Variants in SMOC1 observed in about 807,000 individuals in gnomAD.
SMOC1 encodes SPARC-related modular calcium-binding protein 1.
Under a neutral mutation model 56.3 loss-of-function variants are expected in SMOC1, and 22 were observed. The ratio of observed to expected loss-of-function variants is 0.39; its 90% confidence interval spans 0.28 to 0.56. The LOEUF (loss-of-function observed/expected upper bound fraction) is 0.56. SMOC1 is among the 20% of genes least tolerant of loss of function. The pLI is 0.61. For missense variants in SMOC1, 509 were observed against 565.4 expected (o/e 0.90, Z 1.01); for synonymous variants, 193 against 215.0 (o/e 0.90, Z 0.89).
chr14:69,969,394 C>A (rs1392659792), intron 3 of SMOC1, among the ~76,000 whole-genome samples: 1 of 152,130 alleles, frequency 6.6e-6, no homozygotes, highest in Non-Finnish European at 1.5e-5. Context: ...AGGAAACTTA[C>A]AATCATGGCG....
intron 1 of SMOC1, among the ~76,000 whole-genome samples, chr14:69,936,661 G>A (rs1885303054): frequency 1.3e-5 from 2 of 152,044 alleles, no homozygotes; most frequent in Admixed American, 1.3e-4. Context: ...TAGAACTTTG[G>A]GTGCAACTTG....
chr14:69,991,960 C>T (rs1330452003), intron 5 of SMOC1, among the ~76,000 whole-genome samples: 1 of 152,118 alleles, frequency 6.6e-6, no homozygotes, highest in Non-Finnish European at 1.5e-5. Flanking sequence ...TTAATCAGGG[C>T]CACTGAGCTG....
chr14:69,886,016 C>G, intron 1 of SMOC1: 1 of 1,585,738 alleles, frequency 6.3e-7, no homozygotes, highest in South Asian at 1.1e-5. Flanking sequence ...GATGTCCTGT[C>G]CAATGCCAAA....
chr14:70,020,051 C>T (rs1329454170), intron 10 of SMOC1, among the ~76,000 whole-genome samples: 1 of 145,784 alleles, frequency 6.9e-6, no homozygotes, highest in Non-Finnish European at 1.5e-5. Context: ...TTGTCTGACT[C>T]CATCTTCTTC....
intron 1 of SMOC1, among the ~76,000 whole-genome samples, chr14:69,937,468 C>G (rs1885324331): frequency 6.6e-6 from 1 of 152,188 alleles, no homozygotes; most frequent in South Asian, 2.1e-4. Flanking sequence ...CCACTGATCT[C>G]CCGTTCCTGC....
intron 1 of SMOC1, among the ~76,000 whole-genome samples, chr14:69,929,414 G>A (rs1358262550): frequency 1.3e-5 from 2 of 152,206 alleles, no homozygotes; most frequent in Non-Finnish European, 2.9e-5. Context: ...AGATGAAGAA[G>A]CTGAGGCTCA....
chr14:70,018,767 T>C (rs1885608358), intron 10 of SMOC1, among the ~76,000 whole-genome samples: 1 of 152,224 alleles, frequency 6.6e-6, no homozygotes, highest in Non-Finnish European at 1.5e-5. Context: ...CTTCACGTGG[T>C]CCCCTGAGGG....
At position 70,031,661 on chromosome 14, in the gene SMOC1, T is replaced by G. The variant is rs1886155401; in HGVS notation, c.*1403T>G. ...GCTTTCCACAGGCATCACAGGCATCTTCCGCGGATTCTAGGGTGGGCTGCC... is the reference window on the plus strand; with the variant it reads ...GCTTTCCACAGGCATCACAGGCATCGTCCGCGGATTCTAGGGTGGGCTGCC... On this transcript the variant is annotated 3_prime_UTR_variant, in exon 12 of 12. Coordinates refer to ENST00000361956, the MANE Select transcript of SMOC1 (RefSeq NM_001034852.3). 1 of 152,318 alleles carries G rather than the reference T, an allele frequency of 6.6e-6. No homozygotes were observed. 9.4% of individuals were successfully genotyped at this position (152,318 alleles called of 1,614,324 possible). A position where few individuals can be genotyped will look rare whatever the true frequency, so the allele number is the denominator to read the frequency against.
At chr14:69,973,050 T>C (rs1883831202) in intron 3 of SMOC1, among the ~76,000 whole-genome samples, 1 of 151,912 alleles carries the variant, frequency 6.6e-6, no homozygotes, top group Non-Finnish European at 1.5e-5. Flanking sequence ...TCCCCAGAGG[T>C]GATTATTGAC....
At chr14:70,014,081 C>G (rs897233379) in intron 10 of SMOC1, among the ~76,000 whole-genome samples, 4 of 152,174 alleles carry the variant, frequency 2.6e-5, no homozygotes, top group African/African-American at 9.7e-5. Context: ...GAGTTTGGGC[C>G]CATTAGGCCA....
At chr14:70,029,782 G>A (rs146956091) in intron 11 of SMOC1, among the ~76,000 whole-genome samples, 8 of 152,290 alleles carry the variant, frequency 5.3e-5, no homozygotes, top group East Asian at 1.9e-4. Flanking sequence ...GGTGACTTAA[G>A]CTCCCATTTT....
chr14:69,888,546 G>A (rs2139296914), intron 1 of SMOC1, among the ~76,000 whole-genome samples: 1 of 152,264 alleles, frequency 6.6e-6, no homozygotes, highest in Middle Eastern at 3.4e-3. Flanking sequence ...AGTTCCATGA[G>A]GTCAGGCATA....
chr14:69,999,674 G>T lies in SMOC1; in HGVS notation c.664+5194G>T, dbSNP rs1293883218. ...GAATTGAGCTGGGGATGGGGGATGGGTGGTCATCCCTATGGCTTTCTCCAT... is the reference window on the plus strand; with the variant it reads ...GAATTGAGCTGGGGATGGGGGATGGTTGGTCATCCCTATGGCTTTCTCCAT... On this transcript the variant is annotated intron_variant, in intron 7 of 11. Transcript: ENST00000361956. Among the ~76,000 whole-genome samples, 15 of 152,326 alleles carry T rather than the reference G, an allele frequency of 9.8e-5. No homozygotes were observed. In the East Asian group the frequency reaches 2.7e-3, roughly 27 times the overall value.
At chr14:69,933,270 G>A (rs893370902) in intron 1 of SMOC1, among the ~76,000 whole-genome samples, 2 of 152,278 alleles carry the variant, frequency 1.3e-5, no homozygotes, top group East Asian at 3.9e-4. Context: ...TCAGAAACAG[G>A]ATGGCAGTTG....
At chr14:69,987,232 A>T (rs950280857) in intron 5 of SMOC1, among the ~76,000 whole-genome samples, 3 of 152,218 alleles carry the variant, frequency 2.0e-5, no homozygotes, top group African/African-American at 7.2e-5. Flanking sequence ...AAGATGGACA[A>T]TGGCAGCCTG....
chr14:69,894,779 A>G (rs1175753704), intron 1 of SMOC1, among the ~76,000 whole-genome samples: 1 of 152,250 alleles, frequency 6.6e-6, no homozygotes, highest in African/African-American at 2.4e-5. Flanking sequence ...CCCAGTGCAG[A>G]TGTTCCAAGA....
intron 5 of SMOC1, among the ~76,000 whole-genome samples, chr14:69,983,062 T>G (rs1297132554): frequency 1.3e-5 from 2 of 152,186 alleles, no homozygotes; most frequent in African/African-American, 4.8e-5. Flanking sequence ...GTCTCCCTCC[T>G]TCCCATAGCT....
chr14:70,000,069 T>C (rs1472639526), intron 7 of SMOC1, among the ~76,000 whole-genome samples: 2 of 152,222 alleles, frequency 1.3e-5, no homozygotes, highest in Non-Finnish European at 2.9e-5. Context: ...GGTATTGTCA[T>C]TGGCTCATTC....
intron 1 of SMOC1, among the ~76,000 whole-genome samples, chr14:69,893,454 A>C (rs907872882): frequency 6.6e-6 from 1 of 152,104 alleles, no homozygotes. Flanking sequence ...GCGATTGCAA[A>C]GCTCTGAGGG....
Sources: allele counts gnomAD v4.1 joint callset (sites outside exome capture counted in the v4.1 genomes callset), GRCh38; gene constraint gnomAD v4.1.1; transcripts MANE v1.5; gene names NCBI Gene and HGNC (gene_info 2026-07-23, HGNC 2026-07-21).